The following RFX1 variants were observed in gnomAD, a reference collection of about 807,000 sequenced individuals.
The protein encoded by RFX1 is regulatory factor X1.
RFX1 carries 42 observed loss-of-function variants against 119.6 expected under a neutral mutation model. The ratio of observed to expected loss-of-function variants is 0.35; its 90% CI spans 0.27 to 0.45. RFX1 has a LOEUF of 0.45. RFX1 is among the 20% of genes least tolerant of loss of function. The pLI is 1.00. For synonymous variants in RFX1, 628 were observed against 618.5 expected (o/e 1.02, Z -0.23); for missense variants, 1,118 against 1,368.1 (o/e 0.82, Z 2.88).
At chr19:13,989,898 G>T (rs909215113) in intron 2 of RFX1, among the ~76,000 whole-genome samples, 1 of 152,044 alleles carries the variant, frequency 6.6e-6, no homozygotes, top group South Asian at 2.1e-4. Context: ...AGGTGGAGCC[G>T]AGAGGTCTTA....
chr19:14,002,735 G>GA (rs968076137), intron 1 of RFX1, among the ~76,000 whole-genome samples: 4 of 152,294 alleles, frequency 2.6e-5, no homozygotes, highest in African/African-American at 9.6e-5. Context: ...GCAGGTGGGA[G>GA]AAAGTCTTTC....
At chr19:13,971,344 G>GA (rs1175438246) in intron 9 of RFX1, among the ~76,000 whole-genome samples, 9 of 149,848 alleles carry the variant, frequency 6.0e-5, no homozygotes, top group East Asian at 5.9e-4. Context: ...CTCCAAAAAA[G>GA]AAAAAAAAAG....
intron 2 of RFX1, among the ~76,000 whole-genome samples, chr19:13,987,253 C>T (rs1028468063): frequency 2.0e-4 from 31 of 152,196 alleles, no homozygotes; most frequent in Admixed American, 7.2e-4. Flanking sequence ...AGTCTGATGG[C>T]CTCTGAGGAC....
rs143715685 is a variant in RFX1, at chr19:13,967,839, T to A, written c.1732+726A>T. ...TGGCGAGTGAGTGGTCCTAGCCCTG[T>A]GGACACCATGGCTGTGGGATGGCTG... On this transcript the variant is annotated intron_variant, in intron 12 of 20. Coordinates refer to ENST00000254325, the MANE Select transcript of RFX1 (RefSeq NM_002918.5). Among the ~76,000 whole-genome samples the A allele has an allele frequency of 3.8e-3, 573 of 152,274 alleles. 2 individuals are homozygous for A. Among genetic ancestry groups the A allele is most frequent in the Non-Finnish European group, 6.8e-3 (462 of 68,024 alleles).
At chr19:13,970,224 A>G in intron 9 of RFX1, 49 bp from the exon 10 acceptor site, 1 of 1,496,856 alleles carries the variant, frequency 6.7e-7, no homozygotes, top group Admixed American at 2.1e-5. Flanking sequence ...CGCTTCCGTC[A>G]TCTCTGAGTG....
At chr19:13,978,935 C>T (rs1322955719) in intron 7 of RFX1, among the ~76,000 whole-genome samples, 2 of 151,824 alleles carry the variant, frequency 1.3e-5, no homozygotes, top group African/African-American at 2.4e-5. Flanking sequence ...GCGCCCGGCT[C>T]GTAATGGGGC....
Position 13,968,480 on chromosome 19 carries a change from C to T in RFX1, c.1732+85G>A. The T allele has an allele frequency of 8.9e-7, 1 of 1,121,636 alleles. No homozygotes were observed. The highest frequency in any genetic ancestry group is 1.3e-6 in the Non-Finnish European group (1 of 740,760). 69.5% of individuals were successfully genotyped at this position (1,121,636 alleles called of 1,614,324 possible). On this transcript the variant is annotated intron_variant, in intron 12 of 20. Coordinates refer to ENST00000254325, the MANE Select transcript of RFX1 (RefSeq NM_002918.5). The surrounding 1 kb of genome is among the most constrained non-coding windows in gnomAD (Gnocchi z 5.5). ...CACCAAGCCCTCCCCAGCTCAGAGGCTGCCTGCCGCCATCCAGCTTTGGGA... is the reference window on the plus strand; with the variant it reads ...CACCAAGCCCTCCCCAGCTCAGAGGTTGCCTGCCGCCATCCAGCTTTGGGA...
At chr19:13,982,968 C>T (rs1158935575) in intron 4 of RFX1, 11 of 561,956 alleles carry the variant, frequency 2.0e-5, no homozygotes, top group Non-Finnish European at 3.5e-5. Flanking sequence ...ATCTTGTTCT[C>T]TCTGCTGAGA....
At position 13,985,649 on chromosome 19, in the gene RFX1, C is replaced by G. The variant is rs911273658; in HGVS notation, c.320-2054G>C. On this transcript the variant is annotated intron_variant, in intron 2 of 20. Coordinates refer to ENST00000254325, the MANE Select transcript of RFX1 (RefSeq NM_002918.5). This position sits in a 1 kb window ranked among gnomAD's most constrained non-coding sequence, Gnocchi z 4.3. ...ATGGAACCGGAGTCACTGGTTCTGC[C>G]TGGGCTGCGCCCCAAGGGCAGTGAT... Among the ~76,000 whole-genome samples, 7 of 152,252 alleles carry G rather than the reference C, an allele frequency of 4.6e-5. No individual in the cohort carries two copies. Among genetic ancestry groups the G allele is most frequent in the African/African-American group, 1.7e-4 (7 of 41,470 alleles).
chr19:13,973,492 A>G (rs1599485371), intron 8 of RFX1, among the ~76,000 whole-genome samples: 1 of 152,180 alleles, frequency 6.6e-6, no homozygotes, highest in Non-Finnish European at 1.5e-5. Flanking sequence ...CACACCTGCA[A>G]TCCCAGCTAC....
At chr19:13,998,740 G>C (rs980470430) in intron 1 of RFX1, among the ~76,000 whole-genome samples, 1 of 152,086 alleles carries the variant, frequency 6.6e-6, no homozygotes, top group Non-Finnish European at 1.5e-5. Context: ...TGTTTTAGCT[G>C]GTCCCTTAGA....
rs572179628 is a variant in RFX1, at chr19:13,986,133, C to T, written c.320-2538G>A. ...CCGAGACAGCCCCGAGTCATGTGAC[C>T]GGCACTGCACACCTGGGTCCGTGGG... On this transcript the variant is annotated intron_variant, in intron 2 of 20. Coordinates refer to ENST00000254325, the MANE Select transcript of RFX1 (RefSeq NM_002918.5). This position sits in a 1 kb window ranked among gnomAD's most constrained non-coding sequence, Gnocchi z 4.2. 8.5e-5 allele frequency among the ~76,000 whole-genome samples: 13 copies of T among 152,292 alleles called. No homozygotes were observed. Among genetic ancestry groups the T allele is most frequent in the Admixed American group, 2.6e-4 (4 of 15,306 alleles).
intron 1 of RFX1, among the ~76,000 whole-genome samples, chr19:14,001,938 C>A (rs1362048751): frequency 2.0e-5 from 3 of 152,172 alleles, no homozygotes; most frequent in African/African-American, 7.2e-5. Context: ...GAGTTCGACA[C>A]CAGCCTGGCC....
At chr19:13,974,653 G>A (rs929852404) in intron 8 of RFX1, among the ~76,000 whole-genome samples, 7 of 152,290 alleles carry the variant, frequency 4.6e-5, no homozygotes, top group East Asian at 3.9e-4. Flanking sequence ...GGAGGGCTCC[G>A]TCGAGGGGGA....
At position 13,985,327 on chromosome 19, in the gene RFX1, C is replaced by T. The variant is rs1010798208; in HGVS notation, c.320-1732G>A. Among the ~76,000 whole-genome samples, 2 of 152,196 alleles carry T rather than the reference C, an allele frequency of 1.3e-5. No individual in the cohort carries two copies. The highest frequency in any genetic ancestry group is 4.8e-5 in the African/African-American group (2 of 41,436). On this transcript the variant is annotated intron_variant, in intron 2 of 20. Transcript: ENST00000254325. The surrounding 1 kb of genome is among the most constrained non-coding windows in gnomAD (Gnocchi z 4.3). ...GAGTAGCTAGGACTGCAGGCACCCG[C>T]CACCACGCCCAGCTAATTTTTGTGG...
rs2145562385 is a variant in RFX1 at position 13,972,931 on chromosome 19, C to T, written c.1126G>A (p.Ala376Thr). The stretch of plus-strand genomic sequence containing the variant: ...CCACCACCTCCGCTGCTGTTGCTGG[C>T]CCCAGCCCCAGTGCTGGTGGAGCTG... Reference protein sequence around the residue: ...VASSTSTGAGASNSSGGGGSG... With the variant: ...VASSTSTGAGTSNSSGGGGSG... The change falls in exon 9 of 21, where the codon GCC (alanine) becomes ACC (threonine). Residue 376 changes from alanine (A) to threonine (T), a missense_variant. By Grantham distance (58) the Ala-to-Thr change is moderately conservative. Around this residue, in one of 5 missense-constraint regions of RFX1, gnomAD observed 542 missense variants for 602.7 expected, o/e 0.90. Coordinates refer to ENST00000254325, the MANE Select transcript of RFX1 (RefSeq NM_002918.5). 1 of 1,598,400 alleles carries T rather than the reference C, an allele frequency of 6.3e-7. No homozygotes were observed. Among genetic ancestry groups the T allele is most frequent in the South Asian group, 1.1e-5 (1 of 90,858 alleles).
rs1973859708 is a variant in RFX1, at chr19:13,965,375, C to T, written c.2211+74G>A. 3 of 1,364,606 alleles carry T rather than the reference C, an allele frequency of 2.2e-6. No homozygotes were observed. The highest frequency in any genetic ancestry group is 1.2e-5 in the South Asian group (1 of 80,314). The allele number at this position is 1,364,606 out of a possible 1,614,324, so 84.5% of individuals were successfully genotyped here. ...GGAACAGGCGTGGGGACAAATTTTA[C>T]CGCCCCTGGGGAGCAGAGGAGACGG... On this transcript the variant is annotated intron_variant, in intron 16 of 20. Coordinates refer to ENST00000254325, the MANE Select transcript of RFX1 (RefSeq NM_002918.5). The surrounding 1 kb of genome is among the most constrained non-coding windows in gnomAD (Gnocchi z 4.7).
In RFX1 at chr19:13,974,605, C is replaced by T. The variant is rs376225712; in HGVS notation, c.930-1478G>A. 3.9e-5 allele frequency among the ~76,000 whole-genome samples: 6 copies of T among 152,236 alleles called. 1 individual carries two copies. The highest frequency in any genetic ancestry group is 2.1e-4 in the South Asian group (1 of 4,822). Reference sequence around the variant, plus strand: ...TGTGACCGAACAATAGGGAAGAATGCGTTGCATGTGGCATGCGTGTCTGTC... The same window carrying T: ...TGTGACCGAACAATAGGGAAGAATGTGTTGCATGTGGCATGCGTGTCTGTC... On this transcript the variant is annotated intron_variant, in intron 8 of 20. Coordinates refer to ENST00000254325, the MANE Select transcript of RFX1 (RefSeq NM_002918.5).
chr19:13,962,622 G>T lies in RFX1; in HGVS notation c.*73C>A. The T allele has an allele frequency of 7.4e-6, 9 of 1,222,560 alleles. No individual in the cohort carries two copies. Among genetic ancestry groups the T allele is most frequent in the Non-Finnish European group, 9.7e-6 (9 of 929,208 alleles). 75.7% of individuals were successfully genotyped at this position (1,222,560 alleles called of 1,614,324 possible). On this transcript the variant is annotated 3_prime_UTR_variant, in exon 21 of 21. Transcript: ENST00000254325. The stretch of plus-strand genomic sequence containing the variant: ...TGGCTGAGGCTGGAGCAGTGACCAC[G>T]AAGCCACAGAAGCTTTGAGGGACCC...
Sources: gnomAD v4.1 joint callset for allele counts (sites outside exome capture counted in the v4.1 genomes callset) on GRCh38, gnomAD v4.1.1 for gene constraint, gnomAD v4.1.1 regional missense constraint, Gnocchi (gnomAD v3.1) non-coding constraint, MANE v1.5 for transcripts, NCBI Gene and HGNC (gene_info 2026-07-23, HGNC 2026-07-21) for gene names.